Variants in DBNL observed in about 807,000 individuals in gnomAD.
DBNL encodes the protein drebrin like, also known as drebrin-like protein.
A neutral mutation model predicts 62.2 loss-of-function variants in DBNL; 35 were observed. The ratio of observed to expected loss-of-function variants is 0.56; its 90% CI spans 0.43 to 0.75. The LOEUF is 0.75. Ranked by LOEUF, DBNL falls within the 30% of genes least tolerant of loss-of-function variation. The pLI is 0.00. For missense variants in DBNL, 495 were observed against 578.4 expected (o/e 0.86, Z 1.48); for synonymous variants, 197 against 218.0 (o/e 0.90, Z 0.85).
At position 44,060,968 on chromosome 7, in the gene DBNL, T is replaced by C; in HGVS notation, c.*52T>C. The C allele has an allele frequency of 6.3e-7, 1 of 1,590,026 alleles. No individual in the cohort carries two copies. Among genetic ancestry groups the C allele is most frequent in the Non-Finnish European group, 8.6e-7 (1 of 1,166,998 alleles). ...CTCTCAGACATGGCTTCCTTATTGC[T>C]GGAAGAGGAGGCCTGGGAGTTGACA... is the stretch of plus-strand genomic sequence containing the variant. On this transcript the variant is annotated 3_prime_UTR_variant, in exon 13 of 13. Coordinates refer to ENST00000448521, the MANE Select transcript of DBNL (RefSeq NM_001014436.3). This position sits in a 1 kb window ranked among gnomAD's most constrained non-coding sequence, Gnocchi z 6.3.
At chr7:44,053,071 C>T in intron 4 of DBNL, 130 bp downstream of exon 4, 2 of 1,249,970 alleles carry the variant, frequency 1.6e-6, no homozygotes, top group Non-Finnish European at 2.2e-6. Context: ...TGCTCTCTGC[C>T]TGCCTTTGAG....
In DBNL at chr7:44,064,804, C is replaced by CCCCA; in HGVS notation, c.*3888_*3889insCCCA. ...CAGCTGGGGCTGCTGCCCACCCACC[C>CCCCA]TGCCCAGGCTCCTGAAGGTGGCCTC... On this transcript the variant is annotated 3_prime_UTR_variant, in exon 13 of 13. Transcript: ENST00000448521. 1 of 1,437,752 alleles carries CCCCA rather than the reference C, an allele frequency of 7.0e-7. No individual in the cohort carries two copies. The highest frequency in any genetic ancestry group is 9.6e-7 in the Non-Finnish European group (1 of 1,041,980). The allele number at this position is 1,437,752 out of a possible 1,614,324, so 89.1% of individuals were successfully genotyped here.
chr7:44,046,202 C>T (rs1184259808), intron 1 of DBNL, among the ~76,000 whole-genome samples: 1 of 152,156 alleles, frequency 6.6e-6, no homozygotes, highest in East Asian at 1.9e-4. Context: ...GGCTTTAGAA[C>T]CCAGAAGAAT....
intron 4 of DBNL, among the ~76,000 whole-genome samples, chr7:44,054,584 CAG>C (rs1429225559): frequency 6.6e-6 from 1 of 152,180 alleles, no homozygotes; most frequent in Non-Finnish European, 1.5e-5. Context: ...TACGATGAAT[CAG>C]GGTAATTAGC....
chr7:44,058,348 C>A, intron 7 of DBNL, 68 bp downstream of exon 7: 1 of 1,605,510 alleles, frequency 6.2e-7, no homozygotes, highest in Non-Finnish European at 8.5e-7. Flanking sequence ...TGCTCCATCC[C>A]ATGGAGGCGA....
rs774185343 is a variant in DBNL at position 44,060,082 on chromosome 7, A to C, written c.1082A>C (p.Asp361Ala). ...QQQGAGSEHI[D>A]HHIQGQGLSG... The stretch of plus-strand genomic sequence containing the variant: ...CAAGGTGCTGGCTCTGAGCACATTG[A>C]CCACCACATTCAGGGCCAGGGGCTC... Residue 361 changes from aspartate (D) to alanine (A), a missense_variant, in exon 12 of 13, where the codon GAC (aspartate) becomes GCC (alanine). Coordinates refer to ENST00000448521, the MANE Select transcript of DBNL (RefSeq NM_001014436.3). This position sits in a 1 kb window ranked among gnomAD's most constrained non-coding sequence, Gnocchi z 6.3. 21 of 1,613,672 alleles carry C rather than the reference A, an allele frequency of 1.3e-5. No homozygotes were observed. Among genetic ancestry groups the C allele is most frequent in the Non-Finnish European group, 1.7e-5 (20 of 1,179,894 alleles).
Position 44,057,046 on chromosome 7 carries a change from A to G in DBNL, c.474+143A>G. 1.6e-6 allele frequency: 2 copies of G among 1,262,626 alleles called. 1 individual carries two copies. The highest frequency in any genetic ancestry group is 2.8e-5 in the South Asian group (2 of 70,432). The allele number at this position is 1,262,626 out of a possible 1,614,324, so 78.2% of individuals were successfully genotyped here. On this transcript the variant is annotated intron_variant, in intron 5 of 12. Coordinates refer to ENST00000448521, the MANE Select transcript of DBNL (RefSeq NM_001014436.3). ...AGATGGTAACCCCTGAGCTGTGGTG[A>G]TTGCCCACTGACCAGATGAGCAGGA... is the stretch of plus-strand genomic sequence containing the variant.
At position 44,063,139 on chromosome 7, in the gene DBNL, A is replaced by G. The variant is rs1403449494; in HGVS notation, c.*2223A>G. ...CTACAGAAATAGCCCAGTGGTGAAA[A>G]AAATGGGGACTTCAGCCCCACCCAA... On this transcript the variant is annotated 3_prime_UTR_variant, in exon 13 of 13. Coordinates refer to ENST00000448521, the MANE Select transcript of DBNL (RefSeq NM_001014436.3). 8 of 603,806 alleles carry G rather than the reference A, an allele frequency of 1.3e-5. No individual in the cohort carries two copies. Among genetic ancestry groups the G allele is most frequent in the South Asian group, 7.3e-5 (4 of 54,550 alleles). The allele number at this position is 603,806 out of a possible 1,614,324, so 37.4% of individuals were successfully genotyped here.
At position 44,065,484 on chromosome 7, in the gene DBNL, A is replaced by G. The variant is rs1586002371; in HGVS notation, c.*4568A>G. On this transcript the variant is annotated 3_prime_UTR_variant, in exon 13 of 13. Coordinates refer to ENST00000448521, the MANE Select transcript of DBNL (RefSeq NM_001014436.3). Reference sequence around the variant, plus strand: ...CCACAGAAACGGTTCTCCTGGTTCCATGTGCTCTCGCCGTGCCGGACCATC... The same window carrying G: ...CCACAGAAACGGTTCTCCTGGTTCCGTGTGCTCTCGCCGTGCCGGACCATC... 1 of 1,614,098 alleles carries G rather than the reference A, an allele frequency of 6.2e-7. No individual in the cohort carries two copies. Among genetic ancestry groups the G allele is most frequent in the Admixed American group, 1.7e-5 (1 of 60,030 alleles).
chr7:44,050,359 T>G (rs2096124492), intron 2 of DBNL, 79 bp downstream of exon 2: 5 of 1,514,576 alleles, frequency 3.3e-6, no homozygotes, highest in South Asian at 1.1e-5. Context: ...CTCAGCTGTC[T>G]TGGTCCACTG....
chr7:44,045,692 G>A (rs987174824), intron 1 of DBNL, among the ~76,000 whole-genome samples: 1 of 152,220 alleles, frequency 6.6e-6, no homozygotes, highest in African/African-American at 2.4e-5. Flanking sequence ...CCCTTGTGTG[G>A]GGGCCATCTC....
chr7:44,050,161 G>A, intron 1 of DBNL, 64 bp from the exon 2 acceptor site: 1 of 1,565,834 alleles, frequency 6.4e-7, no homozygotes, highest in Non-Finnish European at 8.8e-7. Context: ...AGTCATGGTG[G>A]ATACGGTGAG....
rs1463489758 is a variant in DBNL at position 44,044,914 on chromosome 7, G to C, written c.83+94G>C. The stretch of plus-strand genomic sequence containing the variant: ...GGGGACTCGGGGGGAGCGGGAGCGC[G>C]AGCGCGGAGCGGTGCCCAGGCAGGT... On this transcript the variant is annotated intron_variant, in intron 1 of 12. Coordinates refer to ENST00000448521, the MANE Select transcript of DBNL (RefSeq NM_001014436.3). The C allele has an allele frequency of 5.5e-6, 7 of 1,263,494 alleles. No homozygotes were observed. In the South Asian group the frequency reaches 1.2e-4, roughly 22 times the overall value. The allele number at this position is 1,263,494 out of a possible 1,614,324, so 78.3% of individuals were successfully genotyped here. A position where few individuals can be genotyped will look rare whatever the true frequency, so the allele number is the denominator to read the frequency against.
In DBNL at chr7:44,058,077, A is replaced by T. The variant is rs2096139761; in HGVS notation, c.553-52A>T. 4.5e-6 allele frequency: 7 copies of T among 1,545,590 alleles called. No homozygotes were observed. The Middle Eastern group carries it at 8.6e-4, about 189-fold the overall frequency. ...CCTAAAACTCAGTCCTGGGCAGGGG[A>T]TTAGGCTGAAGTGGCAGCATAGGGC... On this transcript the variant is annotated intron_variant, in intron 6 of 12. Coordinates refer to ENST00000448521, the MANE Select transcript of DBNL (RefSeq NM_001014436.3).
chr7:44,065,895 AG>A lies in DBNL; in HGVS notation c.*4982del. The A allele has an allele frequency of 2.5e-6, 1 of 398,474 alleles. No individual in the cohort carries two copies. The highest frequency in any genetic ancestry group is 2.3e-5 in the South Asian group (1 of 42,736). The allele number at this position is 398,474 out of a possible 1,614,324, so 24.7% of individuals were successfully genotyped here. On this transcript the variant is annotated 3_prime_UTR_variant, in exon 13 of 13. Transcript: ENST00000448521. Reference sequence around the variant, plus strand: ...GATAGCAGGGACAGAGGGGCTCTCCAGGGCAACGCTCAGTGGCCTATCAGCC... The same window carrying A: ...GATAGCAGGGACAGAGGGGCTCTCCAGGCAACGCTCAGTGGCCTATCAGCC...
chr7:44,055,582 G>A (rs1315122456), intron 4 of DBNL, among the ~76,000 whole-genome samples: 1 of 152,094 alleles, frequency 6.6e-6, no homozygotes, highest in African/African-American at 2.4e-5. Context: ...TATTTTTTAT[G>A]TTTTTTATAA....
chr7:44,054,009 G>C (rs926101076), intron 4 of DBNL, among the ~76,000 whole-genome samples: 1 of 152,096 alleles, frequency 6.6e-6, no homozygotes, highest in Non-Finnish European at 1.5e-5. Context: ...CTGACATAAT[G>C]CTTAAAGGAA....
intron 2 of DBNL, chr7:44,050,623 C>G (rs757257667): frequency 3.2e-4 from 84 of 260,134 alleles, no homozygotes; most frequent in Non-Finnish European, 5.7e-4. Context: ...ACAGACATAT[C>G]TTCTTCTCCC....
In DBNL at chr7:44,068,337, G is replaced by A. The variant is rs751523782; in HGVS notation, c.*7421G>A. 6.6e-6 allele frequency: 1 copy of A among 152,216 alleles called. No individual in the cohort carries two copies. Among genetic ancestry groups the A allele is most frequent in the Non-Finnish European group, 1.5e-5 (1 of 68,056 alleles). 9.4% of individuals were successfully genotyped at this position (152,216 alleles called of 1,614,324 possible). ...AGAGTACAGAGAAGGGAGAGATGAA[G>A]TGAGTGATCCGATAAAGTGATATGT... On this transcript the variant is annotated 3_prime_UTR_variant, in exon 13 of 13. Coordinates refer to ENST00000448521, the MANE Select transcript of DBNL (RefSeq NM_001014436.3).
Sources: allele counts gnomAD v4.1 joint callset (sites outside exome capture counted in the v4.1 genomes callset), GRCh38; gene constraint gnomAD v4.1.1; non-coding constraint Gnocchi (gnomAD v3.1); transcripts MANE v1.5; gene names NCBI Gene and HGNC (gene_info 2026-07-23, HGNC 2026-07-21).